ZFAT: variants seen among roughly 807,000 people sequenced by gnomAD.
ZFAT encodes the protein zinc finger protein ZFAT.
In ZFAT, 64 loss-of-function variants were observed where a neutral mutation model predicts 117.7. The ratio of observed to expected loss-of-function variants is 0.54; its 90% confidence interval spans 0.44 to 0.67. The LOEUF (loss-of-function observed/expected upper bound fraction) is 0.67, where lower values mean the gene tolerates loss of function less well. Ranked by LOEUF, ZFAT falls within the 30% of genes least tolerant of loss-of-function variation. The pLI is 0.00. For synonymous variants in ZFAT, 679 were observed against 615.0 expected (o/e 1.10, Z -1.54); for missense variants, 1,433 against 1,584.5 (o/e 0.90, Z 1.62).
At chr8:134,518,944 AC>A (rs1284749469) in intron 13 of ZFAT, among the ~76,000 whole-genome samples, 1 of 152,138 alleles carries the variant, frequency 6.6e-6, no homozygotes, top group African/African-American at 2.4e-5. Flanking sequence ...TTTATCATAT[AC>A]TAAATTTCCA....
intron 3 of ZFAT, among the ~76,000 whole-genome samples, chr8:134,637,133 T>C (rs1372877696): frequency 6.6e-6 from 1 of 152,260 alleles, no homozygotes; most frequent in Non-Finnish European, 1.5e-5. Context: ...TCGATTAACA[T>C]GATGCATTTA....
At chr8:134,609,610 C>T (rs972734810) in intron 4 of ZFAT, among the ~76,000 whole-genome samples, 1 of 152,142 alleles carries the variant, frequency 6.6e-6, no homozygotes, top group Non-Finnish European at 1.5e-5. Flanking sequence ...AAAATAGGTA[C>T]TTAAAAGGCT....
At chr8:134,828,360 T>G in the ZFAT span, among the ~76,000 whole-genome samples, 1 of 152,230 alleles carries the variant, frequency 6.6e-6, no homozygotes, top group Non-Finnish European at 1.5e-5. Context: ...TATTCAGTAT[T>G]AAAATAATTT....
the ZFAT span, among the ~76,000 whole-genome samples, chr8:134,729,795 T>A: frequency 6.6e-6 from 1 of 152,186 alleles, no homozygotes; most frequent in African/African-American, 2.4e-5. Context: ...GGGCATATTC[T>A]AAAACTTTGT....
At chr8:134,496,578 T>C (rs1432467588) in intron 15 of ZFAT, among the ~76,000 whole-genome samples, 1 of 152,146 alleles carries the variant, frequency 6.6e-6, no homozygotes, top group Non-Finnish European at 1.5e-5. Context: ...CTTCCCAACA[T>C]CTGATCTGGA....
Position 134,712,008 on chromosome 8 carries a change from C to T in ZFAT, c.19+837G>A, listed in dbSNP as rs142917010. ...GTCACTTGGACTCCAGCAAAAAAAG[C>T]CAGACTGATGGGCAGGCGTGATCAG... On this transcript the variant is annotated intron_variant, in intron 1 of 15. Coordinates refer to ENST00000377838, the MANE Select transcript of ZFAT (RefSeq NM_020863.4). 4.3e-3 allele frequency among the ~76,000 whole-genome samples: 656 copies of T among 152,290 alleles called. 5 individuals are homozygous for T. The highest frequency in any genetic ancestry group is 0.015 in the African/African-American group (610 of 41,548).
At position 134,535,512 on chromosome 8, in the gene ZFAT, C is replaced by T. The variant is rs146836713; in HGVS notation, c.2977-2540G>A. 9.2e-3 allele frequency among the ~76,000 whole-genome samples: 1,290 copies of T among 140,868 alleles called. 33 individuals are homozygous for T. The highest frequency in any genetic ancestry group is 0.032 in the African/African-American group (1,225 of 37,744). 92.4% of individuals were successfully genotyped at this position (140,868 alleles called of 152,430 possible). On this transcript the variant is annotated intron_variant, in intron 11 of 15. Coordinates refer to ENST00000377838, the MANE Select transcript of ZFAT (RefSeq NM_020863.4). Reference sequence around the variant, plus strand: ...CTCCCCCTCCCCCTCCCTCTCCCTCCCTCTCCCTCCCTCTCTCAATCTGGT... The same window carrying T: ...CTCCCCCTCCCCCTCCCTCTCCCTCTCTCTCCCTCCCTCTCTCAATCTGGT...
chr8:134,565,587 C>A, intron 10 of ZFAT, 166 bp from the exon 11 acceptor site: 1 of 732,554 alleles, frequency 1.4e-6, no homozygotes. Context: ...GCAGCATGCT[C>A]AGTCTTCAAC....
intron 12 of ZFAT, among the ~76,000 whole-genome samples, chr8:134,522,279 C>T (rs990019972): frequency 6.6e-6 from 1 of 152,240 alleles, no homozygotes; most frequent in African/African-American, 2.4e-5. Context: ...ATCCATCAGA[C>T]AATTTGGCAC....
At chr8:134,560,738 G>A (rs995483371) in intron 11 of ZFAT, among the ~76,000 whole-genome samples, 1 of 152,186 alleles carries the variant, frequency 6.6e-6, no homozygotes, top group Non-Finnish European at 1.5e-5. Flanking sequence ...GAGTTGAATA[G>A]CTAGATGGAA....
At chr8:134,826,914 C>T in the ZFAT span, among the ~76,000 whole-genome samples, 1 of 152,160 alleles carries the variant, frequency 6.6e-6, no homozygotes, top group African/African-American at 2.4e-5. Context: ...TAAGATGATC[C>T]AACACCTAAC....
In ZFAT at chr8:134,712,718, CGCGGCCGGCGGCCGGCGGCCG is replaced by C. The variant is rs753541906; in HGVS notation, c.19+106_19+126del. On this transcript the variant is annotated intron_variant, in intron 1 of 15. Coordinates refer to ENST00000377838, the MANE Select transcript of ZFAT (RefSeq NM_020863.4). ...TCTCCTCCCCAGACCCGGATCCCTC[CGCGGCCGGCGGCCGGCGGCCG>C]GCGGCCGGCGCACTGCTTCCCGACT... 533 of 825,012 alleles carry C rather than the reference CGCGGCCGGCGGCCGGCGGCCG, an allele frequency of 6.5e-4. 14 individuals carry two copies. The highest frequency in any genetic ancestry group is 2.0e-3 in the Middle Eastern group (5 of 2,494). 51.1% of individuals were successfully genotyped at this position (825,012 alleles called of 1,614,324 possible).
chr8:134,771,752 C>T, the ZFAT span, among the ~76,000 whole-genome samples: 224 of 152,310 alleles, frequency 1.5e-3, no homozygotes, highest in African/African-American at 5.0e-3. Flanking sequence ...TACCAATTTA[C>T]TGTATTAAGT....
intron 9 of ZFAT, among the ~76,000 whole-genome samples, chr8:134,585,535 G>A (rs977093367): frequency 2.6e-5 from 4 of 152,172 alleles, no homozygotes; most frequent in Non-Finnish European, 4.4e-5. Flanking sequence ...CATTATGACT[G>A]GAAGGAGAAG....
chr8:134,579,982 C>T (rs1825607596), intron 10 of ZFAT, among the ~76,000 whole-genome samples: 1 of 150,070 alleles, frequency 6.7e-6, no homozygotes, highest in Non-Finnish European at 1.5e-5. Context: ...AAGAACAATG[C>T]CCACAGGCTG....
intron 1 of ZFAT, among the ~76,000 whole-genome samples, chr8:134,711,066 G>A (rs1013340546): frequency 6.6e-6 from 1 of 152,220 alleles, no homozygotes; most frequent in Admixed American, 6.5e-5. Context: ...TAAGTCTGCT[G>A]TTCAGCCTGC....
At chr8:134,602,976 T>G (rs1475747303) in intron 5 of ZFAT, 43 bp from the exon 6 acceptor site, 1 of 1,561,986 alleles carries the variant, frequency 6.4e-7, no homozygotes, top group African/African-American at 1.4e-5. Context: ...AGACCTTGAA[T>G]GTTCCTCATG....
At position 134,662,976 on chromosome 8, in the gene ZFAT, C is replaced by T. The variant is rs140239773; in HGVS notation, c.20-5239G>A. Among the ~76,000 whole-genome samples the T allele has an allele frequency of 7.8e-3, 1,185 of 152,376 alleles. 3 individuals are homozygous for T. Among genetic ancestry groups the T allele is most frequent in the Middle Eastern group, 0.031 (9 of 294 alleles). On this transcript the variant is annotated intron_variant, in intron 1 of 15. Transcript: ENST00000377838. ...CACTTCTCCCTACAAAGTTGCTCTGCAGCGCAGACATGCACGCACAGACAC... is the reference window on the plus strand; with the variant it reads ...CACTTCTCCCTACAAAGTTGCTCTGTAGCGCAGACATGCACGCACAGACAC...
In ZFAT at chr8:134,637,669, G is replaced by A. The variant is rs372874796; in HGVS notation, c.240C>T (p.Ser80=). The change falls in exon 3 of 16, where the codon TCC becomes TCT. Residue 80 remains serine, a synonymous_variant. Coordinates refer to ENST00000377838, the MANE Select transcript of ZFAT (RefSeq NM_020863.4). ...MKRKRGRPKG[S]TKKSSTEEEL... ...CCTCTTCTGTGCTGGACTTCTTCGT[G>A]GACCCCTTAGGCCTGCCTCTCTTCC... 1.7e-5 allele frequency: 28 copies of A among 1,613,988 alleles called. No homozygotes were observed. The highest frequency in any genetic ancestry group is 2.3e-5 in the Non-Finnish European group (27 of 1,180,046).
Sources: gnomAD v4.1 joint callset for allele counts (sites outside exome capture counted in the v4.1 genomes callset) on GRCh38, gnomAD v4.1.1 for gene constraint, MANE v1.5 for transcripts, NCBI Gene and HGNC (gene_info 2026-07-23, HGNC 2026-07-21) for gene names.